LARGE1: variants seen among roughly 807,000 people sequenced by gnomAD.
The protein encoded by LARGE1 is LARGE xylosyl- and glucuronyltransferase 1, also known as xylosyl- and glucuronyltransferase LARGE1.
A neutral mutation model predicts 87.6 loss-of-function variants in LARGE1; 43 were observed. The observed-to-expected ratio is 0.49, with a 90% CI of 0.38 to 0.63. The LOEUF is 0.63. Ranked by LOEUF, LARGE1 falls within the 30% of genes least tolerant of loss-of-function variation. The pLI is 0.00. For missense variants in LARGE1, 802 were observed against 1,000.2 expected, an observed-to-expected ratio of 0.80 and a Z score of 2.67; for synonymous variants, 434 against 394.6, an observed-to-expected ratio of 1.10 and a Z score of -1.18.
chr22:33,814,496 G>GAAAGACAGATACAGACAGACAATGTTT, intron 1 of LARGE1, among the ~76,000 whole-genome samples: 1 of 152,288 alleles, frequency 6.6e-6, no homozygotes, highest in East Asian at 1.9e-4. Flanking sequence ...TCTACAATCA[G>GAAAGACAGATACAGACAGACAATGTTT]TTGACTTTAA....
chr22:33,107,726 G>A, the LARGE1 span, among the ~76,000 whole-genome samples: 2 of 151,998 alleles, frequency 1.3e-5, no homozygotes, highest in East Asian at 1.9e-4. Context: ...AAATGAGCTG[G>A]GCACAGTGGC....
At chr22:33,353,172 C>T (rs1940556598) in intron 9 of LARGE1, among the ~76,000 whole-genome samples, 1 of 152,174 alleles carries the variant, frequency 6.6e-6, no homozygotes, top group Admixed American at 6.5e-5. Context: ...AATGTTAGTA[C>T]AAAGATGTGT....
Position 33,882,911 on chromosome 22 carries a change from G to A in LARGE1, c.-83+37084C>T, listed in dbSNP as rs552492493. On this transcript the variant is annotated intron_variant, in intron 1 of 14. Coordinates refer to ENST00000397394, the MANE Select transcript of LARGE1 (RefSeq NM_133642.5). ...CACTCCATAATCCAATTTTCCTCACGTGCGTCTACAAATCACCCCCATCTC... is the reference window on the plus strand; with the variant it reads ...CACTCCATAATCCAATTTTCCTCACATGCGTCTACAAATCACCCCCATCTC... Among the ~76,000 whole-genome samples, 6 of 152,146 alleles carry A rather than the reference G, an allele frequency of 3.9e-5. No individual in the cohort carries two copies. The South Asian group carries it at 8.3e-4, about 21-fold the overall frequency.
chr22:33,496,325 C>T (rs1456381274), intron 6 of LARGE1, among the ~76,000 whole-genome samples: 1 of 152,168 alleles, frequency 6.6e-6, no homozygotes, highest in Non-Finnish European at 1.5e-5. Flanking sequence ...AGGAACAACA[C>T]TTTCCATTCT....
downstream of LARGE1, among the ~76,000 whole-genome samples, chr22:33,268,398 A>C (rs915680028): frequency 6.6e-6 from 1 of 150,720 alleles, no homozygotes; most frequent in African/African-American, 2.5e-5. Context: ...TTCAACTGAA[A>C]CTGATGAATA....
At chr22:33,165,452 G>A (rs1165356573) in exon 12 of LARGE1, 2 of 152,146 alleles carry the variant, frequency 1.3e-5, no homozygotes, top group Non-Finnish European at 2.9e-5. Flanking sequence ...AGAAAATGCT[G>A]TGCCATTTGA....
chr22:33,393,456 G>A (rs2065603427), intron 7 of LARGE1, among the ~76,000 whole-genome samples: 2 of 152,218 alleles, frequency 1.3e-5, no homozygotes, highest in Non-Finnish European at 2.9e-5. Context: ...ATGTGCATGT[G>A]TGCAAAGTAG....
At chr22:33,338,127 C>T (rs1488790459) in intron 9 of LARGE1, among the ~76,000 whole-genome samples, 1 of 152,080 alleles carries the variant, frequency 6.6e-6, no homozygotes, top group Non-Finnish European at 1.5e-5. Context: ...GATGCTTAGG[C>T]CACGACTCTA....
chr22:33,742,073 C>T lies in LARGE1; in HGVS notation c.106+19298G>A, dbSNP rs5999078. Among the ~76,000 whole-genome samples the T allele has an allele frequency of 1.0e-3, 155 of 152,296 alleles. 2 individuals carry two copies. Among genetic ancestry groups the T allele is most frequent in the African/African-American group, 3.4e-3 (142 of 41,570 alleles). Reference sequence around the variant, plus strand: ...TGTAAGATGGGGCTAACAAGGGTTCCTCTTTACAGGCTGAGACAATACAGC... The same window carrying T: ...TGTAAGATGGGGCTAACAAGGGTTCTTCTTTACAGGCTGAGACAATACAGC... On this transcript the variant is annotated intron_variant, in intron 2 of 14. Transcript: ENST00000397394.
intron 2 of LARGE1, among the ~76,000 whole-genome samples, chr22:33,731,671 T>C (rs1022852940): frequency 6.6e-6 from 1 of 152,152 alleles, no homozygotes; most frequent in Non-Finnish European, 1.5e-5. Context: ...CAATACTGTA[T>C]CGTAGACTTC....
At chr22:33,881,117 A>G (rs2064669079) in intron 1 of LARGE1, among the ~76,000 whole-genome samples, 1 of 152,032 alleles carries the variant, frequency 6.6e-6, no homozygotes, top group Non-Finnish European at 1.5e-5. Flanking sequence ...ACGCGACGAC[A>G]TTCTCTGACA....
the LARGE1 span, among the ~76,000 whole-genome samples, chr22:33,148,330 A>G: frequency 6.6e-6 from 1 of 152,226 alleles, no homozygotes; most frequent in Non-Finnish European, 1.5e-5. Flanking sequence ...GAATACTACA[A>G]TATGTGATCT....
intron 9 of LARGE1, among the ~76,000 whole-genome samples, chr22:33,339,825 C>T (rs550697336): frequency 9.9e-4 from 151 of 152,286 alleles, no homozygotes; most frequent in African/African-American, 3.5e-3. Flanking sequence ...TGCCACTATG[C>T]ACAGCTAAGT....
At chr22:33,691,932 T>C (rs1232738628) in intron 2 of LARGE1, among the ~76,000 whole-genome samples, 1 of 152,180 alleles carries the variant, frequency 6.6e-6, no homozygotes, top group Non-Finnish European at 1.5e-5. Context: ...TACAGTATCT[T>C]GAATAGACCT....
At chr22:33,212,813 C>T (rs569818725) in intron 11 of LARGE1, among the ~76,000 whole-genome samples, 64 of 151,972 alleles carry the variant, frequency 4.2e-4, no homozygotes, top group African/African-American at 1.4e-3. Flanking sequence ...ATCAGGAGAT[C>T]GAGACCATCC....
At chr22:33,648,655 C>A (rs931085795) in intron 3 of LARGE1, among the ~76,000 whole-genome samples, 2 of 152,180 alleles carry the variant, frequency 1.3e-5, no homozygotes, top group South Asian at 4.1e-4. Flanking sequence ...TGGCTGAATG[C>A]CCGTTTTCAT....
intron 11 of LARGE1, among the ~76,000 whole-genome samples, chr22:33,242,874 T>C (rs922016619): frequency 3.3e-5 from 5 of 152,184 alleles, no homozygotes; most frequent in Admixed American, 3.3e-4. Flanking sequence ...CAGCTTCTGG[T>C]GGTTTGCTGG....
chr22:33,543,550 G>A (rs762973581), intron 6 of LARGE1, among the ~76,000 whole-genome samples: 7 of 152,182 alleles, frequency 4.6e-5, no homozygotes, highest in Non-Finnish European at 7.3e-5. Flanking sequence ...AACAATGATG[G>A]TAGTAAGTGG....
At chr22:33,877,477 A>G (rs1243342303) in intron 1 of LARGE1, among the ~76,000 whole-genome samples, 2 of 152,184 alleles carry the variant, frequency 1.3e-5, no homozygotes, top group Non-Finnish European at 2.9e-5. Context: ...GACTTTGGGC[A>G]AGTTTCTTAA....
Sources: gnomAD v4.1 joint callset for allele counts (sites outside exome capture counted in the v4.1 genomes callset) on GRCh38, gnomAD v4.1.1 for gene constraint, MANE v1.5 for transcripts, NCBI Gene and HGNC (gene_info 2026-07-23, HGNC 2026-07-21) for gene names.